Variants in PSD4 observed in about 807,000 individuals in gnomAD.
PSD4 encodes the protein PH and SEC7 domain-containing protein 4.
PSD4 carries 59 observed loss-of-function variants against 112.5 expected under a neutral mutation model. The ratio of observed to expected loss-of-function variants is 0.52; its 90% CI spans 0.43 to 0.65. PSD4 has a LOEUF of 0.65. PSD4 is among the 30% of genes least tolerant of loss of function. PSD4 has a pLI of 0.00. For synonymous variants in PSD4, 533 were observed against 540.0 expected (o/e 0.99, Z 0.18); for missense variants, 1,267 against 1,352.6 (o/e 0.94, Z 0.99).
Position 113,182,485 on chromosome 2 carries a change from A to G in PSD4, c.29A>G (p.His10Arg), listed in dbSNP as rs150242804. ...ATGGGTGACTACAGACTCCCTGACC[A>G]CCCCCAGCCCATGGAAATTCTCAAC... MMGDYRLPD[H>R]PQPMEILNLY... The change falls in exon 2 of 17, where the codon CAC becomes CGC. Residue 10 changes from histidine (H) to arginine (R), a missense_variant. By Grantham distance (29) the His-to-Arg change is conservative. This residue lies in a region of PSD4 where 723 missense variants were observed against 704.0 expected (regional missense o/e 1.03). Coordinates refer to ENST00000245796, the MANE Select transcript of PSD4 (RefSeq NM_012455.3). 2.2e-3 allele frequency: 3,482 copies of G among 1,612,364 alleles called. 6 individuals are homozygous for G. Among genetic ancestry groups the G allele is most frequent in the Non-Finnish European group, 2.6e-3 (3,097 of 1,179,016 alleles).
At chr2:113,183,625 G>C (rs1378883136) in intron 2 of PSD4, 113 bp downstream of exon 2, 1 of 1,043,460 alleles carries the variant, frequency 9.6e-7, no homozygotes, top group Non-Finnish European at 1.4e-6. Context: ...GAGCTTTGGG[G>C]ATAACCTGCA....
At chr2:113,196,381 C>A in intron 12 of PSD4, 74 bp downstream of exon 12, 6 of 1,488,310 alleles carry the variant, frequency 4.0e-6, no homozygotes, top group African/African-American at 1.4e-5. Context: ...CCGATGCATG[C>A]ACAGGTGTGC....
chr2:113,189,346 T>A (rs562898158), intron 5 of PSD4, among the ~76,000 whole-genome samples: 1 of 133,234 alleles, frequency 7.5e-6, no homozygotes, highest in South Asian at 2.3e-4. Flanking sequence ...ATTGAATATA[T>A]AATAGTATAT....
In PSD4 at chr2:113,181,693, G is replaced by A. The variant is rs45459893; in HGVS notation, c.-111-653G>A. On this transcript the variant is annotated intron_variant, in intron 1 of 16. Transcript: ENST00000245796. ...GCATCCTCCCTTCATGAGGGCTTGG[G>A]CTGAGTTAAGCAGAGAGCCCCTTGC... 3.1e-3 allele frequency among the ~76,000 whole-genome samples: 473 copies of A among 152,344 alleles called. 5 individuals carry two copies. The highest frequency in any genetic ancestry group is 0.011 in the African/African-American group (450 of 41,592).
intron 5 of PSD4, among the ~76,000 whole-genome samples, chr2:113,189,664 C>T (rs1291467632): frequency 2.0e-5 from 3 of 152,166 alleles, no homozygotes; most frequent in African/African-American, 7.2e-5. Flanking sequence ...TTGACCTCAT[C>T]CATGCCAACG....
intron 10 of PSD4, among the ~76,000 whole-genome samples, chr2:113,194,271 C>A (rs1051297461): frequency 6.6e-6 from 1 of 152,182 alleles, no homozygotes; most frequent in African/African-American, 2.4e-5. Flanking sequence ...CAAAGCTACA[C>A]ATGGTGAAAG....
chr2:113,201,043 G>T (rs987549818), intron 16 of PSD4, 115 bp from the exon 17 acceptor site: 94 of 1,402,180 alleles, frequency 6.7e-5, no homozygotes, highest in Non-Finnish European at 8.1e-5. Context: ...CCCTCTTTCT[G>T]TCGAGGTCTG....
chr2:113,189,591 C>T (rs1688396586), intron 5 of PSD4, among the ~76,000 whole-genome samples: 1 of 152,164 alleles, frequency 6.6e-6, no homozygotes. Flanking sequence ...GGAATCTCCA[C>T]ACTGTTTTCC....
At chr2:113,197,443 T>C (rs775201658) in intron 12 of PSD4, 121 bp from the exon 13 acceptor site, 1 of 984,540 alleles carries the variant, frequency 1.0e-6, no homozygotes, top group South Asian at 1.4e-5. Context: ...TTTGTGTGCA[T>C]CCTGGTGAGA....
rs534159514 is a variant in PSD4 at position 113,202,461 on chromosome 2, T to A, written c.*1046T>A. The A allele has an allele frequency of 6.6e-6, 1 of 152,612 alleles. No individual in the cohort carries two copies. The highest frequency in any genetic ancestry group is 2.1e-4 in the South Asian group (1 of 4,838). The allele number at this position is 152,612 out of a possible 1,614,324, so 9.5% of individuals were successfully genotyped here. A position where few individuals can be genotyped will look rare whatever the true frequency, so the allele number is the denominator to read the frequency against. ...TACACATGCCTTAAACCTTCCTTCC[T>A]GTGGGGTGCCTGGACCCCTTCCCCA... is the stretch of plus-strand genomic sequence containing the variant. On this transcript the variant is annotated 3_prime_UTR_variant, in exon 17 of 17. Transcript: ENST00000245796.
Position 113,201,341 on chromosome 2 carries a change from A to G in PSD4, c.3097A>G (p.Lys1033Glu). 6.2e-7 allele frequency: 1 copy of G among 1,614,240 alleles called. No individual in the cohort carries two copies. The highest frequency in any genetic ancestry group is 8.5e-7 in the Non-Finnish European group (1 of 1,180,036). Residue 1033 changes from lysine (K) to glutamate (E), a missense_variant, in exon 17 of 17, where the codon AAG becomes GAG. By Grantham distance (56) the Lys-to-Glu change is moderately conservative. Around this residue, in one of 2 missense-constraint regions of PSD4, gnomAD observed 544 missense variants for 648.6 expected, o/e 0.84. Transcript: ENST00000245796. ...CCAGGATGAGGCTCCCACCACGGCC[A>G]AGGTGAAGCGCAACATCTCAGAGCG... Reference protein sequence around the residue: ...LHQDEAPTTAKVKRNISERRT... With the variant: ...LHQDEAPTTAEVKRNISERRT...
intron 10 of PSD4, among the ~76,000 whole-genome samples, chr2:113,194,955 G>A (rs1232145846): frequency 3.3e-5 from 5 of 152,156 alleles, no homozygotes; most frequent in Non-Finnish European, 7.4e-5. Context: ...AGAAGCAAGC[G>A]AGATAACATC....
intron 10 of PSD4, among the ~76,000 whole-genome samples, chr2:113,195,022 G>A (rs1688557955): frequency 6.6e-6 from 1 of 152,188 alleles, no homozygotes; most frequent in Admixed American, 6.5e-5. Context: ...CACATTTATT[G>A]TGGGGATTGG....
chr2:113,183,531 A>G lies in PSD4; in HGVS notation c.1056+19A>G. The G allele has an allele frequency of 3.9e-6, 6 of 1,532,006 alleles. No individual in the cohort carries two copies. Among genetic ancestry groups the G allele is most frequent in the Non-Finnish European group, 3.5e-6 (4 of 1,138,432 alleles). 94.9% of individuals were successfully genotyped at this position (1,532,006 alleles called of 1,614,324 possible). On this transcript the variant is annotated intron_variant, in intron 2 of 16. Coordinates refer to ENST00000245796, the MANE Select transcript of PSD4 (RefSeq NM_012455.3). ...GAGTGAGGTAAGCCCAGTCTTGGGA[A>G]CCAACCGGGGCTGTGCTGGGAACAC...
In PSD4 at chr2:113,186,200, A is replaced by C. The variant is rs1467403344; in HGVS notation, c.1573A>C (p.Arg525=). 1 of 1,612,038 alleles carries C rather than the reference A, an allele frequency of 6.2e-7. No individual in the cohort carries two copies. The highest frequency in any genetic ancestry group is 2.2e-5 in the East Asian group (1 of 44,822). Residue 525 remains arginine, a synonymous_variant, in exon 5 of 17, where the codon AGG becomes CGG. Transcript: ENST00000245796. ...GGAAGTAAAGAGTGAAGGAACAGCC[A>C]GGCCTGCAGAGACTGGAGACGTCCA... ...GEEVKSEGTA[R]PAETGDVQPD...
In PSD4 at chr2:113,196,137, T is replaced by G. The variant is rs775862554; in HGVS notation, c.2226-10T>G. 1 of 1,602,238 alleles carries G rather than the reference T, an allele frequency of 6.2e-7. No homozygotes were observed. Among genetic ancestry groups the G allele is most frequent in the Non-Finnish European group, 8.5e-7 (1 of 1,170,220 alleles). Reference sequence around the variant, plus strand: ...AGTCAGCACTTCCAGCCCGATTCTCTGATGTTCAGGGATGAAGAAGACACA... The same window carrying G: ...AGTCAGCACTTCCAGCCCGATTCTCGGATGTTCAGGGATGAAGAAGACACA... On this transcript the variant is annotated splice_polypyrimidine_tract_variant and intron_variant, in intron 11 of 16. Coordinates refer to ENST00000245796, the MANE Select transcript of PSD4 (RefSeq NM_012455.3).
In PSD4 at chr2:113,195,790, C is replaced by A. The variant is rs751307675; in HGVS notation, c.2225+20C>A. On this transcript the variant is annotated intron_variant, in intron 11 of 16. Coordinates refer to ENST00000245796, the MANE Select transcript of PSD4 (RefSeq NM_012455.3). ...GGCCGTGTGAGTGAGACTCCCTTTCCCCTCTCCCTCTCACCCCTCTCCCCT... is the reference window on the plus strand; with the variant it reads ...GGCCGTGTGAGTGAGACTCCCTTTCACCTCTCCCTCTCACCCCTCTCCCCT... The A allele has an allele frequency of 1.9e-6, 3 of 1,614,000 alleles. No homozygotes were observed. In the Admixed American group the frequency reaches 5.0e-5, roughly 27 times the overall value.
rs368468801 is a variant in PSD4 at position 113,182,409 on chromosome 2, G to A, written c.-48G>A. 2.5e-5 allele frequency: 38 copies of A among 1,506,124 alleles called. No homozygotes were observed. Among genetic ancestry groups the A allele is most frequent in the African/African-American group, 4.2e-5 (3 of 72,288 alleles). 93.3% of individuals were successfully genotyped at this position (1,506,124 alleles called of 1,614,324 possible). On this transcript the variant is annotated 5_prime_UTR_variant, in exon 2 of 17. In the 5' UTR this introduces an upstream ATG that the reference lacks. Transcript: ENST00000245796. ...TCCCCCTAGTCCACACAGTGAGACC[G>A]TGAAAGCAGATGCTCCGGGGCACTC... is the stretch of plus-strand genomic sequence containing the variant.
At chr2:113,184,810 C>A in intron 2 of PSD4, 147 bp from the exon 3 acceptor site, 1 of 1,205,858 alleles carries the variant, frequency 8.3e-7, no homozygotes, top group Non-Finnish European at 1.2e-6. Flanking sequence ...ACAGCCCCTC[C>A]TTGGGCTGGC....
Sources: allele counts gnomAD v4.1 joint callset (sites outside exome capture counted in the v4.1 genomes callset), GRCh38; gene constraint gnomAD v4.1.1; regional missense constraint gnomAD v4.1.1; transcripts MANE v1.5; gene names NCBI Gene and HGNC (gene_info 2026-07-23, HGNC 2026-07-21).